The following IL12RB2 variants were observed in gnomAD, a reference collection of about 807,000 sequenced individuals.
IL12RB2 encodes interleukin 12 receptor subunit beta 2.
A neutral mutation model predicts 89.4 loss-of-function variants in IL12RB2; 82 were observed. The ratio of observed to expected loss-of-function variants is 0.92; its 90% CI spans 0.77 to 1.10. The LOEUF is 1.10. Ranked by LOEUF, IL12RB2 falls within the 50% of genes least tolerant of loss-of-function variation. IL12RB2 has a pLI of 0.00. For missense variants in IL12RB2, 963 were observed against 1,031.9 expected (o/e 0.93, Z 0.92); for synonymous variants, 368 against 370.1 (o/e 0.99, Z 0.07).
intron 16 of IL12RB2, among the ~76,000 whole-genome samples, chr1:67,391,783 C>T (rs1195945710): frequency 1.3e-5 from 2 of 151,882 alleles, no homozygotes; most frequent in African/African-American, 2.4e-5. Context: ...ACTACAGGCG[C>T]CCGCCGCCAT....
chr1:67,351,821 T>G (rs1340271168), intron 10 of IL12RB2, among the ~76,000 whole-genome samples: 1 of 152,174 alleles, frequency 6.6e-6, no homozygotes, highest in Non-Finnish European at 1.5e-5. Flanking sequence ...GAAAATTAAC[T>G]TCTCAGGATA....
Position 67,355,035 on chromosome 1 carries a change from G to A in IL12RB2, c.1258+3946G>A, listed in dbSNP as rs529742843. Among the ~76,000 whole-genome samples the A allele has an allele frequency of 2.6e-5, 4 of 152,232 alleles. No individual in the cohort carries two copies. In the South Asian group the frequency reaches 6.2e-4, roughly 24 times the overall value. On this transcript the variant is annotated intron_variant, in intron 10 of 16. Coordinates refer to ENST00000674203, the MANE Select transcript of IL12RB2 (RefSeq NM_001374259.2). Reference sequence around the variant, plus strand: ...GGAGGCTGAGGCAGGGGGATTGCTTGAGCCCAGGAGTTGGAGGCTGCCGTG... The same window carrying A: ...GGAGGCTGAGGCAGGGGGATTGCTTAAGCCCAGGAGTTGGAGGCTGCCGTG...
intron 4 of IL12RB2, 90 bp downstream of exon 4, chr1:67,321,979 C>A: frequency 9.3e-7 from 1 of 1,069,660 alleles, no homozygotes; most frequent in Non-Finnish European, 1.5e-6. Context: ...AACCCAAATA[C>A]AGGTTAATGT....
At chr1:67,372,085 T>C (rs559394201) in intron 11 of IL12RB2, among the ~76,000 whole-genome samples, 1 of 151,998 alleles carries the variant, frequency 6.6e-6, no homozygotes, top group African/African-American at 2.4e-5. Context: ...TGTCTGTGTG[T>C]GTGTGTGTGT....
chr1:67,376,703 C>CGTGT (rs59880609), intron 13 of IL12RB2, among the ~76,000 whole-genome samples: 98,117 of 150,808 alleles, frequency 0.65, 32,558 homozygotes, highest in South Asian at 0.72. Flanking sequence ...AATATGTGTG[C>CGTGT]GTGTGTGTGT....
At position 67,372,552 on chromosome 1, in the gene IL12RB2, T is replaced by G; in HGVS notation, c.1558+18T>G. The G allele has an allele frequency of 6.2e-7, 1 of 1,601,686 alleles. No individual in the cohort carries two copies. Among genetic ancestry groups the G allele is most frequent in the East Asian group, 2.2e-5 (1 of 44,836 alleles). ...GCACAAAGGTGAGTCTTGGGATCTTTTGCCAAATTTTGCTTTAGTTTAATG... is the reference window on the plus strand; with the variant it reads ...GCACAAAGGTGAGTCTTGGGATCTTGTGCCAAATTTTGCTTTAGTTTAATG... On this transcript the variant is annotated intron_variant, in intron 12 of 16. Transcript: ENST00000674203.
intron 10 of IL12RB2, among the ~76,000 whole-genome samples, chr1:67,355,422 G>GAA (rs1171395256): frequency 7.3e-4 from 68 of 93,708 alleles, no homozygotes; most frequent in Admixed American, 1.2e-3. Context: ...GTCTCAAAAA[G>GAA]AAAAAAAAAA....
At chr1:67,364,570 A>G (rs1662474105) in intron 10 of IL12RB2, among the ~76,000 whole-genome samples, 2 of 152,232 alleles carry the variant, frequency 1.3e-5, no homozygotes, top group Non-Finnish European at 2.9e-5. Context: ...CTTAATGATA[A>G]AGGAATCTAT....
Position 67,351,003 on chromosome 1 carries a change from G to A in IL12RB2, c.1172G>A (p.Gly391Glu). 1 of 1,614,094 alleles carries A rather than the reference G, an allele frequency of 6.2e-7. No individual in the cohort carries two copies. Among genetic ancestry groups the A allele is most frequent in the Non-Finnish European group, 8.5e-7 (1 of 1,180,010 alleles). Residue 391 changes from glycine (G) to glutamate (E), a missense_variant, in exon 10 of 17, where the codon GGA becomes GAA. By Grantham distance (98) the Gly-to-Glu change is moderately conservative (BLOSUM62 -2). Coordinates refer to ENST00000674203, the MANE Select transcript of IL12RB2 (RefSeq NM_001374259.2). ...TGGACCACAGTCATTCCTAGAACCG[G>A]AAATTGGGCTGTGGCTGTGTCTGCA... ...TSWTTVIPRTGNWAVAVSAAN... is the reference protein window; with the variant it reads ...TSWTTVIPRTENWAVAVSAAN...
At chr1:67,387,409 A>C (rs562795156) in intron 15 of IL12RB2, among the ~76,000 whole-genome samples, 1 of 152,056 alleles carries the variant, frequency 6.6e-6, no homozygotes, top group Non-Finnish European at 1.5e-5. Context: ...GTAGAAATTA[A>C]ATAGTATGGC....
At chr1:67,329,814 A>G in intron 7 of IL12RB2, 85 bp downstream of exon 7, 1 of 949,960 alleles carries the variant, frequency 1.1e-6, no homozygotes, top group South Asian at 1.3e-5. Context: ...ACAGCAAAAA[A>G]TAGAGTTTAA....
In IL12RB2 at chr1:67,367,823, A is replaced by C; in HGVS notation, c.1259-2A>C. 1 of 1,521,062 alleles carries C rather than the reference A, an allele frequency of 6.6e-7. No homozygotes were observed. Among genetic ancestry groups the C allele is most frequent in the Non-Finnish European group, 9.1e-7 (1 of 1,095,752 alleles). The allele number at this position is 1,521,062 out of a possible 1,614,324, so 94.2% of individuals were successfully genotyped here. A position where few individuals can be genotyped will look rare whatever the true frequency, so the allele number is the denominator to read the frequency against. Reference sequence around the variant, plus strand: ...TGTTTCTCCTCTTTCTGTCCGATAAAGGGTTGCTGGCTCCTCGCCAGGTCT... The same window carrying C: ...TGTTTCTCCTCTTTCTGTCCGATAACGGGTTGCTGGCTCCTCGCCAGGTCT... On this transcript the variant is annotated splice_acceptor_variant, in intron 10 of 16. Coordinates refer to ENST00000674203, the MANE Select transcript of IL12RB2 (RefSeq NM_001374259.2). LOFTEE classifies it high-confidence loss of function.
intron 13 of IL12RB2, 118 bp downstream of exon 13, chr1:67,372,901 A>C (rs1426611848): frequency 1.3e-6 from 1 of 774,508 alleles, no homozygotes; most frequent in African/African-American, 1.7e-5. Flanking sequence ...GGCATATAGT[A>C]AGTACTCCAT....
At chr1:67,389,570 G>T (rs1264106533) in intron 15 of IL12RB2, among the ~76,000 whole-genome samples, 1 of 152,058 alleles carries the variant, frequency 6.6e-6, no homozygotes, top group African/African-American at 2.4e-5. Flanking sequence ...TAACATGGTT[G>T]TGTTCAAGCT....
intron 14 of IL12RB2, among the ~76,000 whole-genome samples, chr1:67,383,334 C>T (rs1010000781): frequency 1.3e-5 from 2 of 152,170 alleles, no homozygotes; most frequent in South Asian, 2.1e-4. Flanking sequence ...ATGGGAACTA[C>T]AATTCAAGAT....
intron 11 of IL12RB2, among the ~76,000 whole-genome samples, chr1:67,368,700 T>C (rs1662968141): frequency 6.6e-6 from 1 of 152,228 alleles, no homozygotes; most frequent in African/African-American, 2.4e-5. Context: ...TTTAAAGTTC[T>C]GGCTCTGCAG....
chr1:67,365,727 C>A lies in IL12RB2; in HGVS notation c.1259-2098C>A, dbSNP rs184573575. 2.6e-4 allele frequency among the ~76,000 whole-genome samples: 40 copies of A among 151,972 alleles called. 2 individuals carry two copies. The highest frequency in any genetic ancestry group is 1.9e-4 in the Non-Finnish European group (13 of 67,936). ...GTGGAAAAATAGTAAAATGTATTCT[C>A]CCCCTGAAAAAAAAACCTTTTGTTG... On this transcript the variant is annotated intron_variant, in intron 10 of 16. Transcript: ENST00000674203.
At chr1:67,371,630 A>G (rs1374090375) in intron 11 of IL12RB2, among the ~76,000 whole-genome samples, 1 of 152,186 alleles carries the variant, frequency 6.6e-6, no homozygotes, top group Admixed American at 6.5e-5. Context: ...TTTATTCACA[A>G]GTAGTAGAAA....
chr1:67,317,069 G>C (rs1890741), intron 2 of IL12RB2, among the ~76,000 whole-genome samples: 35,228 of 151,974 alleles, frequency 0.23, 4,596 homozygotes, highest in African/African-American at 0.35. Context: ...TTAGATGGAT[G>C]AATAAGACTC....
Sources: gnomAD v4.1 joint callset for allele counts (sites outside exome capture counted in the v4.1 genomes callset) on GRCh38, gnomAD v4.1.1 for gene constraint, MANE v1.5 for transcripts, NCBI Gene and HGNC (gene_info 2026-07-23, HGNC 2026-07-21) for gene names.